The following PCDHA2 variants were observed in gnomAD, a reference collection of about 807,000 sequenced individuals.
The protein encoded by PCDHA2 is protocadherin alpha 2.
A neutral mutation model predicts 66.0 loss-of-function variants in PCDHA2; 58 were observed. The observed-to-expected ratio is 0.88, with a 90% CI of 0.71 to 1.09. PCDHA2 has a LOEUF of 1.09. Among genes scored for constraint, PCDHA2 ranks in the 50% least tolerant of loss-of-function variants. The pLI is 0.00. For missense variants in PCDHA2, 1,267 were observed against 1,242.3 expected (o/e 1.02, Z -0.30); for synonymous variants, 634 against 554.0 (o/e 1.14, Z -2.03).
intron 3 of PCDHA2, among the ~76,000 whole-genome samples, chr5:141,001,711 A>G (rs1167965864): frequency 1.3e-5 from 2 of 152,222 alleles, no homozygotes; most frequent in South Asian, 2.1e-4. Context: ...GGGGGCGGGG[A>G]AGGAGCTTGA....
At chr5:140,865,669 A>G (rs546524670) in intron 1 of PCDHA2, 4 of 152,306 alleles carry the variant, frequency 2.6e-5, no homozygotes, top group African/African-American at 9.6e-5. Flanking sequence ...ACTTATAACA[A>G]TTTCTAAAGT....
chr5:140,950,015 T>C (rs2094440217), intron 1 of PCDHA2, among the ~76,000 whole-genome samples: 1 of 151,906 alleles, frequency 6.6e-6, no homozygotes, highest in Admixed American at 6.6e-5. Context: ...TGTACAACCT[T>C]CATAAAATAT....
intron 3 of PCDHA2, among the ~76,000 whole-genome samples, chr5:140,985,773 T>C (rs945442566): frequency 7.2e-6 from 1 of 138,872 alleles, no homozygotes; most frequent in South Asian, 2.4e-4. Context: ...ACAGTCTCGC[T>C]CTGTCGCCCA....
intron 1 of PCDHA2, chr5:140,842,662 C>G (rs2150341461): frequency 1.3e-6 from 2 of 1,595,426 alleles, no homozygotes; most frequent in East Asian, 2.2e-5. Context: ...AGGTGGCCGA[C>G]GTGAACGACA....
chr5:140,883,822 C>T, intron 1 of PCDHA2: 2 of 1,612,484 alleles, frequency 1.2e-6, no homozygotes, highest in Non-Finnish European at 1.7e-6. Flanking sequence ...GCAAGGTGTA[C>T]GCGCTGCAGC....
rs1762033987 is a variant in PCDHA2 at position 140,796,095 on chromosome 5, C to G, written c.1131C>G (p.Arg377=). Residue 377 remains arginine (R), a synonymous_variant, in exon 1 of 4, where the codon CGC becomes CGG. Transcript: ENST00000526136. ...TTGCTCTCATCACGGTGTCGGATCG[C>G]GACTCTGGTACGAATGGACATGTCA... ...TVIALITVSD[R]DSGTNGHVTC... 6.2e-6 allele frequency: 10 copies of G among 1,614,182 alleles called. No individual in the cohort carries two copies. In the East Asian group the frequency reaches 2.0e-4, roughly 32 times the overall value.
intron 2 of PCDHA2, among the ~76,000 whole-genome samples, chr5:140,979,721 C>T (rs2153819868): frequency 6.6e-6 from 1 of 152,290 alleles, no homozygotes; most frequent in East Asian, 1.9e-4. Context: ...GTATCCATGC[C>T]ATGGGGCCAA....
At chr5:140,803,883 A>G (rs1032213276) in intron 1 of PCDHA2, 1 of 546,086 alleles carries the variant, frequency 1.8e-6, no homozygotes, top group Admixed American at 3.6e-5. Flanking sequence ...TTTTTCTTAG[A>G]TGAATTGCAT....
At chr5:140,816,032 G>A (rs1005229860) in intron 1 of PCDHA2, 2 of 152,120 alleles carry the variant, frequency 1.3e-5, no homozygotes, top group Non-Finnish European at 2.9e-5. Context: ...GGATCTTGAT[G>A]TCCATTTCCT....
chr5:140,850,319 A>C (rs2150479368), intron 1 of PCDHA2: 1 of 1,597,562 alleles, frequency 6.3e-7, no homozygotes, highest in East Asian at 2.2e-5. Flanking sequence ...CGTGGCTTTC[A>C]TACGAGCTGC....
At position 140,857,030 on chromosome 5, in the gene PCDHA2, C is replaced by T. The variant is rs370499942; in HGVS notation, c.2388+59678C>T. The T allele has an allele frequency of 4.7e-5, 75 of 1,596,300 alleles. 6 individuals carry two copies. Among genetic ancestry groups the T allele is most frequent in the Non-Finnish European group, 6.0e-5 (70 of 1,166,132 alleles). ...AGATGTTACAGATAAGGGAAACCCA[C>T]CTATGGTTGGTCACTGCACGGTCCT... On this transcript the variant is annotated intron_variant, in intron 1 of 3. Transcript: ENST00000526136.
In PCDHA2 at chr5:140,837,841, C is replaced by T. The variant is rs148049265; in HGVS notation, c.2388+40489C>T. On this transcript the variant is annotated intron_variant, in intron 1 of 3. Coordinates refer to ENST00000526136, the MANE Select transcript of PCDHA2 (RefSeq NM_018905.3). ...ACAGTTTGCATGTCATTGTGCCTGGCTAATTTTATTTTATTTTTGTAGAGA... is the reference window on the plus strand; with the variant it reads ...ACAGTTTGCATGTCATTGTGCCTGGTTAATTTTATTTTATTTTTGTAGAGA... Among the ~76,000 whole-genome samples, 417 of 151,502 alleles carry T rather than the reference C, an allele frequency of 2.8e-3. 6 individuals carry two copies. The highest frequency in any genetic ancestry group is 9.7e-3 in the African/African-American group (400 of 41,204).
chr5:140,824,068 A>G (rs2150131929), intron 1 of PCDHA2: 12 of 1,614,024 alleles, frequency 7.4e-6, no homozygotes, highest in Non-Finnish European at 1.0e-5. Context: ...AGCTCCACCC[A>G]AAACAGACCT....
chr5:140,796,988 C>T lies in PCDHA2; in HGVS notation c.2024C>T (p.Ala675Val), dbSNP rs1762166972. ...VLVSLVESGQ[A>V]PKASSRAWVG... Reference sequence around the variant, plus strand: ...GTGTCGTTGGTGGAAAGTGGCCAGGCACCCAAGGCCTCGTCGCGGGCGTGG... The same window carrying T: ...GTGTCGTTGGTGGAAAGTGGCCAGGTACCCAAGGCCTCGTCGCGGGCGTGG... Residue 675 changes from alanine to valine, a missense_variant, in exon 1 of 4, where the codon GCA becomes GTA. Coordinates refer to ENST00000526136, the MANE Select transcript of PCDHA2 (RefSeq NM_018905.3). 2 of 1,613,606 alleles carry T rather than the reference C, an allele frequency of 1.2e-6. No homozygotes were observed. The highest frequency in any genetic ancestry group is 1.7e-5 in the Admixed American group (1 of 60,000).
intron 1 of PCDHA2, chr5:140,867,791 C>T (rs2050146253): frequency 1.3e-5 from 2 of 152,072 alleles, no homozygotes; most frequent in African/African-American, 2.4e-5. Context: ...CTGTATTTTA[C>T]TTAGCATTTT....
chr5:140,886,458 T>G (rs888629917), intron 1 of PCDHA2, among the ~76,000 whole-genome samples: 1 of 152,174 alleles, frequency 6.6e-6, no homozygotes, highest in Non-Finnish European at 1.5e-5. Flanking sequence ...TTGTCATATA[T>G]AAATGTTTTT....
intron 1 of PCDHA2, chr5:140,860,137 A>C (rs941289854): frequency 1.3e-5 from 2 of 150,438 alleles, no homozygotes; most frequent in Non-Finnish European, 3.0e-5. Flanking sequence ...GTGTGTGTAT[A>C]TATATGTATA....
rs781801031 is a variant in PCDHA2 at position 140,796,082 on chromosome 5, C to T, written c.1118C>T (p.Thr373Met). The T allele has an allele frequency of 7.4e-6, 12 of 1,614,076 alleles. No homozygotes were observed. Among genetic ancestry groups the T allele is most frequent in the Non-Finnish European group, 9.3e-6 (11 of 1,180,052 alleles). Residue 373 changes from threonine to methionine, a missense_variant, in exon 1 of 4, where the codon ACG becomes ATG. Thr to Met is a moderately conservative substitution (Grantham distance 81). Transcript: ENST00000526136. ...ASLGTVIALI[T>M]VSDRDSGTNG... Reference sequence around the variant, plus strand: ...CTGGGCACTGTCATTGCTCTCATCACGGTGTCGGATCGCGACTCTGGTACG... The same window carrying T: ...CTGGGCACTGTCATTGCTCTCATCATGGTGTCGGATCGCGACTCTGGTACG...
Position 140,842,608 on chromosome 5 carries a change from C to CG in PCDHA2, c.2388+45261dup, listed in dbSNP as rs1340734954. 5 of 1,557,100 alleles carry CG rather than the reference C, an allele frequency of 3.2e-6. 2 individuals carry two copies. In the African/African-American group the frequency reaches 7.2e-5, roughly 22 times the overall value. The stretch of plus-strand genomic sequence containing the variant: ...ATGAGTTGGTGGTAACCGCGCGGGA[C>CG]GGGGGCTCGCCTTCGCTGTGGGCCA... On this transcript the variant is annotated intron_variant, in intron 1 of 3. Coordinates refer to ENST00000526136, the MANE Select transcript of PCDHA2 (RefSeq NM_018905.3).
Sources: gnomAD v4.1 joint callset for allele counts (sites outside exome capture counted in the v4.1 genomes callset) on GRCh38, gnomAD v4.1.1 for gene constraint, MANE v1.5 for transcripts, NCBI Gene and HGNC (gene_info 2026-07-23, HGNC 2026-07-21) for gene names.